Variants in SCML4 observed in about 807,000 individuals in gnomAD.
SCML4 encodes the protein Scm polycomb group protein like 4, also known as sex comb on midleg-like protein 4.
A neutral mutation model predicts 41.1 loss-of-function variants in SCML4; 34 were observed. The observed-to-expected ratio is 0.83, with a 90% CI of 0.63 to 1.10. The LOEUF is 1.10. Among genes scored for constraint, SCML4 ranks in the 50% least tolerant of loss-of-function variants. SCML4 has a pLI of 0.00. For missense variants in SCML4, 522 were observed against 534.1 expected (o/e 0.98, Z 0.22); for synonymous variants, 214 against 220.9 (o/e 0.97, Z 0.28).
intron 1 of SCML4, among the ~76,000 whole-genome samples, chr6:107,802,916 G>A (rs1328483449): frequency 2.0e-5 from 3 of 151,924 alleles, no homozygotes; most frequent in African/African-American, 4.8e-5. Context: ...ACTGGTTTTC[G>A]TATTTTTTTG....
the SCML4 span, among the ~76,000 whole-genome samples, chr6:107,843,904 C>A: frequency 4.0e-5 from 6 of 150,412 alleles, no homozygotes; most frequent in Admixed American, 6.7e-5. Context: ...TGGGAAAATG[C>A]ACTGTGCTTT....
chr6:107,714,114 G>C (rs1774511894), intron 6 of SCML4, among the ~76,000 whole-genome samples: 1 of 152,134 alleles, frequency 6.6e-6, no homozygotes. Context: ...AGAGATGAGA[G>C]GGAAGAGAGC....
chr6:107,739,297 A>T (rs943420417), intron 5 of SCML4, among the ~76,000 whole-genome samples: 125 of 152,200 alleles, frequency 8.2e-4, no homozygotes, highest in African/African-American at 2.8e-3. Context: ...TCTGTTCTAC[A>T]GGACCACAGA....
chr6:107,713,109 C>G (rs760991960), intron 6 of SCML4, among the ~76,000 whole-genome samples: 11 of 152,224 alleles, frequency 7.2e-5, no homozygotes, highest in Non-Finnish European at 1.5e-4. Flanking sequence ...GTCAGTGTTT[C>G]AAAGCAATCC....
chr6:107,706,376 T>TCC (rs977939557), intron 7 of SCML4, among the ~76,000 whole-genome samples: 6 of 152,148 alleles, frequency 3.9e-5, no homozygotes, highest in Non-Finnish European at 5.9e-5. Flanking sequence ...TGGTCTTAAG[T>TCC]CCCCATTGTT....
intron 4 of SCML4, chr6:107,746,389 T>G (rs1004993993): frequency 5.4e-6 from 2 of 371,134 alleles, no homozygotes; most frequent in Non-Finnish European, 9.6e-6. Context: ...GCGAAAGGAT[T>G]CTGGATATAT....
At chr6:107,788,277 G>A (rs1051743958) in intron 1 of SCML4, among the ~76,000 whole-genome samples, 5 of 152,202 alleles carry the variant, frequency 3.3e-5, no homozygotes, top group African/African-American at 1.2e-4. Context: ...GGGTATCAGT[G>A]TCCTGCCCTG....
chr6:107,791,630 T>C (rs2114614809), intron 1 of SCML4, among the ~76,000 whole-genome samples: 1 of 152,312 alleles, frequency 6.6e-6, no homozygotes, highest in East Asian at 1.9e-4. Context: ...GAACATTGTC[T>C]CCCTAAGAGC....
At chr6:107,804,542 C>T (rs1173450249) in intron 1 of SCML4, among the ~76,000 whole-genome samples, 1 of 152,162 alleles carries the variant, frequency 6.6e-6, no homozygotes, top group Non-Finnish European at 1.5e-5. Flanking sequence ...AGAATCAAAA[C>T]ACAATATTTT....
At chr6:107,724,961 G>A (rs1307874493) in intron 5 of SCML4, among the ~76,000 whole-genome samples, 3 of 152,194 alleles carry the variant, frequency 2.0e-5, no homozygotes, top group Admixed American at 2.0e-4. Context: ...AATATCACAT[G>A]TTCTCACCCA....
At chr6:107,832,178 G>A in the SCML4 span, among the ~76,000 whole-genome samples, 9 of 152,178 alleles carry the variant, frequency 5.9e-5, no homozygotes, top group African/African-American at 1.9e-4. Context: ...GGCAGAGGTT[G>A]CAGTGAGCAG....
intron 6 of SCML4, chr6:107,718,696 C>A (rs904132929): frequency 3.9e-5 from 6 of 152,170 alleles, no homozygotes; most frequent in Non-Finnish European, 8.8e-5. Context: ...ATCATGCCTC[C>A]CTCTTACTGC....
At chr6:107,802,492 G>A (rs181373782) in intron 1 of SCML4, among the ~76,000 whole-genome samples, 28 of 151,758 alleles carry the variant, frequency 1.8e-4, no homozygotes, top group African/African-American at 6.5e-4. Context: ...GAGGGAAGGC[G>A]GGGTAGGAAA....
At chr6:107,780,394 G>A (rs531132917) in intron 1 of SCML4, among the ~76,000 whole-genome samples, 1 of 152,188 alleles carries the variant, frequency 6.6e-6, no homozygotes, top group Admixed American at 6.5e-5. Context: ...TTTTCCCTTG[G>A]ATACTATTCT....
intron 1 of SCML4, among the ~76,000 whole-genome samples, chr6:107,815,322 C>A (rs527800209): frequency 1.3e-5 from 2 of 152,178 alleles, no homozygotes; most frequent in African/African-American, 4.8e-5. Flanking sequence ...ATGGAGCAGT[C>A]CCACACAATG....
chr6:107,761,888 T>C (rs1318503262), intron 2 of SCML4, among the ~76,000 whole-genome samples: 2 of 151,724 alleles, frequency 1.3e-5, no homozygotes, highest in African/African-American at 4.8e-5. Context: ...ACAGGGCCTA[T>C]ATTAGAGGAG....
intron 1 of SCML4, among the ~76,000 whole-genome samples, chr6:107,816,986 G>A (rs1784587410): frequency 6.6e-6 from 1 of 152,184 alleles, no homozygotes; most frequent in Non-Finnish European, 1.5e-5. Flanking sequence ...ACAGAACACA[G>A]GAAATCTCTG....
chr6:107,815,408 T>C (rs544321341), intron 1 of SCML4, among the ~76,000 whole-genome samples: 1 of 152,370 alleles, frequency 6.6e-6, no homozygotes, highest in East Asian at 1.9e-4. Flanking sequence ...AAAAGCAATA[T>C]GTATTTCTGC....
intron 1 of SCML4, among the ~76,000 whole-genome samples, chr6:107,788,162 T>C (rs1782043239): frequency 1.3e-5 from 2 of 152,214 alleles, no homozygotes; most frequent in Admixed American, 6.5e-5. Flanking sequence ...ATTTGGTAGC[T>C]GAAAGCTTTG....
Sources: allele counts gnomAD v4.1 joint callset (sites outside exome capture counted in the v4.1 genomes callset), GRCh38; gene constraint gnomAD v4.1.1; transcripts MANE v1.5; gene names NCBI Gene and HGNC (gene_info 2026-07-23, HGNC 2026-07-21).